Variants in ANKRD29 observed in about 807,000 individuals in gnomAD.
The protein encoded by ANKRD29 is ankyrin repeat domain-containing protein 29.
In ANKRD29, 32 loss-of-function variants were observed where a neutral mutation model predicts 38.0. That is an observed-to-expected ratio of 0.84 (90% CI 0.64 to 1.13). ANKRD29 has a LOEUF of 1.13. Among genes scored for constraint, ANKRD29 ranks in the 50% most tolerant of loss-of-function variants. The pLI is 0.00. For synonymous variants in ANKRD29, 135 were observed against 152.4 expected, an observed-to-expected ratio of 0.89 and a Z score of 0.84; for missense variants, 357 against 377.9, an observed-to-expected ratio of 0.94 and a Z score of 0.46.
At chr18:23,619,915 T>C in intron 6 of ANKRD29, 2 of 413,996 alleles carry the variant, frequency 4.8e-6, no homozygotes, top group Non-Finnish European at 8.6e-6. Flanking sequence ...GCTGGATCTT[T>C]TACCAAAAAG....
chr18:23,650,856 G>C (rs1377744076), intron 1 of ANKRD29, among the ~76,000 whole-genome samples: 1 of 152,136 alleles, frequency 6.6e-6, no homozygotes, highest in East Asian at 1.9e-4. Flanking sequence ...TAAATCCAGA[G>C]TATTGGTACT....
At chr18:23,630,347 C>T (rs111509735) in intron 5 of ANKRD29, among the ~76,000 whole-genome samples, 411 of 152,178 alleles carry the variant, frequency 2.7e-3, no homozygotes, top group Non-Finnish European at 3.5e-3. Flanking sequence ...GAATCGCTTG[C>T]ACCTGGAGGC....
intron 1 of ANKRD29, among the ~76,000 whole-genome samples, chr18:23,655,335 A>C (rs1008669399): frequency 6.6e-6 from 1 of 152,222 alleles, no homozygotes; most frequent in East Asian, 1.9e-4. Flanking sequence ...AATATAGTTC[A>C]TAAGATTCAC....
At chr18:23,650,306 C>T (rs72886274) in intron 1 of ANKRD29, among the ~76,000 whole-genome samples, 3 of 152,076 alleles carry the variant, frequency 2.0e-5, no homozygotes, top group Non-Finnish European at 2.9e-5. Context: ...CCACCATGCC[C>T]GGCTAATTAT....
At chr18:23,613,156 G>A (rs988180132) in intron 8 of ANKRD29, among the ~76,000 whole-genome samples, 2 of 151,128 alleles carry the variant, frequency 1.3e-5, no homozygotes, top group Admixed American at 6.6e-5. Context: ...CATGCAACAC[G>A]GGTCAGAATT....
intron 9 of ANKRD29, 76 bp downstream of exon 9, chr18:23,612,016 G>C: frequency 1.5e-6 from 2 of 1,324,300 alleles, no homozygotes; most frequent in Admixed American, 3.8e-5. Context: ...CTGGAGCCAG[G>C]GAGATGTTTA....
At chr18:23,641,317 G>A (rs1598515909) in intron 3 of ANKRD29, among the ~76,000 whole-genome samples, 1 of 152,214 alleles carries the variant, frequency 6.6e-6, no homozygotes, top group East Asian at 1.9e-4. Flanking sequence ...TGTGCTCTCT[G>A]GGCCTGGGAA....
intron 8 of ANKRD29, among the ~76,000 whole-genome samples, chr18:23,614,647 A>C (rs955586769): frequency 4.0e-5 from 6 of 151,122 alleles, no homozygotes; most frequent in African/African-American, 1.5e-4. Flanking sequence ...CAGCCTGGGC[A>C]ACATAGCGAG....
intron 1 of ANKRD29, among the ~76,000 whole-genome samples, chr18:23,656,053 A>T (rs2060278599): frequency 6.7e-6 from 1 of 148,702 alleles, no homozygotes; most frequent in Non-Finnish European, 1.5e-5. Flanking sequence ...AGATCCCGCC[A>T]CTGCACTCCA....
chr18:23,614,143 T>C (rs1485746946), intron 8 of ANKRD29, among the ~76,000 whole-genome samples: 1 of 152,106 alleles, frequency 6.6e-6, no homozygotes, highest in Non-Finnish European at 1.5e-5. Context: ...TGATCTCGGC[T>C]CATTGCAACC....
chr18:23,624,486 A>AAAAAAAAAAAAAAAG, intron 6 of ANKRD29, among the ~76,000 whole-genome samples: 1 of 143,858 alleles, frequency 7.0e-6, no homozygotes, highest in Non-Finnish European at 1.5e-5. Context: ...AAAAAAAAAA[A>AAAAAAAAAAAAAAAG]AAAAAAAAAA....
intron 4 of ANKRD29, among the ~76,000 whole-genome samples, chr18:23,635,750 G>T (rs2059994623): frequency 6.6e-6 from 1 of 152,204 alleles, no homozygotes; most frequent in Non-Finnish European, 1.5e-5. Context: ...CAGTCATGTG[G>T]GTTGATTGTG....
At chr18:23,619,227 C>T (rs1273607932) in intron 7 of ANKRD29, among the ~76,000 whole-genome samples, 1 of 151,856 alleles carries the variant, frequency 6.6e-6, no homozygotes, top group East Asian at 2.0e-4. Context: ...CTAGGACACG[C>T]CCCAGGACAG....
chr18:23,650,364 G>A (rs889408680), intron 1 of ANKRD29, among the ~76,000 whole-genome samples: 1 of 151,246 alleles, frequency 6.6e-6, no homozygotes, highest in African/African-American at 2.4e-5. Context: ...GGCTGGTCTC[G>A]AACTCCTGGG....
chr18:23,632,750 A>T (rs1024160989), intron 5 of ANKRD29, among the ~76,000 whole-genome samples: 5 of 152,026 alleles, frequency 3.3e-5, no homozygotes, highest in Non-Finnish European at 5.9e-5. Context: ...GGGCAGCCAG[A>T]GTTGAGAATC....
intron 9 of ANKRD29, among the ~76,000 whole-genome samples, chr18:23,608,341 G>C (rs2059598019): frequency 6.6e-6 from 1 of 152,188 alleles, no homozygotes; most frequent in Non-Finnish European, 1.5e-5. Flanking sequence ...GTAGGAAGCT[G>C]GGGACTTCCC....
chr18:23,634,539 C>T (rs964707826), intron 4 of ANKRD29, among the ~76,000 whole-genome samples: 2 of 151,888 alleles, frequency 1.3e-5, no homozygotes, highest in South Asian at 2.1e-4. Flanking sequence ...ATCTGCCCAC[C>T]GCGACATCTC....
At chr18:23,626,459 C>A (rs993644871) in intron 6 of ANKRD29, among the ~76,000 whole-genome samples, 1 of 152,098 alleles carries the variant, frequency 6.6e-6, no homozygotes, top group Admixed American at 6.6e-5. Flanking sequence ...ATAGAAATAG[C>A]CACTCAGCTA....
At chr18:23,614,054 G>A (rs2059680089) in intron 8 of ANKRD29, among the ~76,000 whole-genome samples, 1 of 151,862 alleles carries the variant, frequency 6.6e-6, no homozygotes, top group Non-Finnish European at 1.5e-5. Context: ...TTTAACAAGT[G>A]CAGCTTTTTG....
Sources: gnomAD v4.1 joint callset for allele counts (sites outside exome capture counted in the v4.1 genomes callset) on GRCh38, gnomAD v4.1.1 for gene constraint, MANE v1.5 for transcripts, NCBI Gene and HGNC (gene_info 2026-07-23, HGNC 2026-07-21) for gene names.